WDR91: variants seen among roughly 807,000 people sequenced by gnomAD.
The protein encoded by WDR91 is WD repeat domain 91, also known as WD repeat-containing protein 91.
WDR91 carries 52 observed loss-of-function variants against 88.4 expected under a neutral mutation model. The ratio of observed to expected loss-of-function variants is 0.59; its 90% CI spans 0.47 to 0.74. WDR91 has a LOEUF of 0.74. Among genes scored for constraint, WDR91 ranks in the 30% least tolerant of loss-of-function variants. The probability of loss-of-function intolerance (pLI) is 0.00; values close to 1 mark genes in which losing one functional copy is unlikely to be tolerated. For missense variants in WDR91, 824 were observed against 954.5 expected (o/e 0.86, Z 1.80); for synonymous variants, 362 against 389.5 (o/e 0.93, Z 0.83).
rs576195895 is a variant in WDR91, at chr7:135,184,482, T to C, written c.*1669A>G. 6 of 152,390 alleles carry C rather than the reference T, an allele frequency of 3.9e-5. No individual in the cohort carries two copies. The highest frequency in any genetic ancestry group is 1.3e-4 in the Admixed American group (2 of 15,304). 9.4% of individuals were successfully genotyped at this position (152,390 alleles called of 1,614,324 possible). On this transcript the variant is annotated 3_prime_UTR_variant, in exon 15 of 15. Coordinates refer to ENST00000354475, the MANE Select transcript of WDR91 (RefSeq NM_014149.4). Reference sequence around the variant, plus strand: ...CCAAAGCCCAGGTCCATCACTCCCATAGTGACTCCTCCCATAAGCTCTGCC... The same window carrying C: ...CCAAAGCCCAGGTCCATCACTCCCACAGTGACTCCTCCCATAAGCTCTGCC...
At chr7:135,199,664 T>G (rs1377802622) in intron 6 of WDR91, 1 of 152,254 alleles carries the variant, frequency 6.6e-6, no homozygotes, top group Non-Finnish European at 1.5e-5. Context: ...TGCTGCTACA[T>G]GTATGCCGTG....
rs1562943578 is a variant in WDR91, at chr7:135,187,182, G to A, written c.1882-13C>T. ...TCCACTGGATGAACTGCAGTCACAG[G>A]GCACAAGCAGGGTGCTCGCAGCGGA... is the stretch of plus-strand genomic sequence containing the variant. On this transcript the variant is annotated splice_polypyrimidine_tract_variant and intron_variant, in intron 13 of 14. Transcript: ENST00000354475. 1.2e-6 allele frequency: 2 copies of A among 1,613,840 alleles called. No individual in the cohort carries two copies. Among genetic ancestry groups the A allele is most frequent in the Non-Finnish European group, 1.7e-6 (2 of 1,179,930 alleles).
chr7:135,195,674 C>T (rs998092965), intron 8 of WDR91, among the ~76,000 whole-genome samples: 8 of 152,258 alleles, frequency 5.3e-5, no homozygotes, highest in South Asian at 4.1e-4. Context: ...AGGCCCGGTG[C>T]GGTGGCTTAC....
In WDR91 at chr7:135,196,862, C is replaced by G. The variant is rs534218132; in HGVS notation, c.1051-525G>C. On this transcript the variant is annotated intron_variant, in intron 7 of 14. Transcript: ENST00000354475. This position sits in a 1 kb window ranked among gnomAD's most constrained non-coding sequence, Gnocchi z 4.2. ...AAGCTGGGTGGGTAAGAGGTAAGCC[C>G]GGCCCCTTTCCAGTGCACCCCTAGG... is the stretch of plus-strand genomic sequence containing the variant. Among the ~76,000 whole-genome samples, 7 of 152,058 alleles carry G rather than the reference C, an allele frequency of 4.6e-5. No homozygotes were observed.
Position 135,183,959 on chromosome 7 carries a change from C to T in WDR91, c.*2192G>A, listed in dbSNP as rs1830849548. The T allele has an allele frequency of 6.6e-6, 1 of 152,064 alleles. No homozygotes were observed. Among genetic ancestry groups the T allele is most frequent in the Admixed American group, 6.5e-5 (1 of 15,274 alleles). The allele number at this position is 152,064 out of a possible 1,614,324, so 9.4% of individuals were successfully genotyped here. ...CTCTGTGATCCTTAAAGCATCTCAG[C>T]AAGCTGTAGAGATGGTATTAAGGGG... is the stretch of plus-strand genomic sequence containing the variant. On this transcript the variant is annotated 3_prime_UTR_variant, in exon 15 of 15. Coordinates refer to ENST00000354475, the MANE Select transcript of WDR91 (RefSeq NM_014149.4).
At chr7:135,203,587 C>T (rs1236383239) in intron 6 of WDR91, among the ~76,000 whole-genome samples, 1 of 152,146 alleles carries the variant, frequency 6.6e-6, no homozygotes, top group African/African-American at 2.4e-5. Flanking sequence ...TCAGCAAATA[C>T]CAACTTGTAG....
chr7:135,206,003 T>A lies in WDR91; in HGVS notation c.650A>T (p.Glu217Val), dbSNP rs1485795332. The A allele has an allele frequency of 6.2e-7, 1 of 1,614,224 alleles. No homozygotes were observed. The highest frequency in any genetic ancestry group is 1.1e-5 in the South Asian group (1 of 91,082). ...HRLKKEEQQP[E>V]EEEALVQHKL... ...GTGTTGGACCAAGGCCTCTTCCTCT[T>A]CTGGCTGTTGCTCCTCTTTCTTCAG... Residue 217 changes from glutamate to valine, a missense_variant, in exon 5 of 15, where the codon GAA becomes GTA. Glu to Val is a moderately radical substitution (Grantham distance 121). Transcript: ENST00000354475.
Position 135,186,142 on chromosome 7 carries a change from G to A in WDR91, c.*9C>T, listed in dbSNP as rs1274889133. ...TACTGCTTCCTCGGGTGGCCCTTGG[G>A]GCAAGTCATCAGGCTTTATGGGCCA... On this transcript the variant is annotated 3_prime_UTR_variant, in exon 15 of 15. Coordinates refer to ENST00000354475, the MANE Select transcript of WDR91 (RefSeq NM_014149.4). 2.5e-6 allele frequency: 4 copies of A among 1,581,394 alleles called. No homozygotes were observed. Among genetic ancestry groups the A allele is most frequent in the South Asian group, 1.2e-5 (1 of 86,536 alleles).
rs751035345 is a variant in WDR91 at position 135,188,399 on chromosome 7, G to A, written c.1881+34C>T. The A allele has an allele frequency of 3.2e-6, 5 of 1,583,744 alleles. No homozygotes were observed. The African/African-American group carries it at 4.0e-5, about 13-fold the overall frequency. On this transcript the variant is annotated intron_variant, in intron 13 of 14. Transcript: ENST00000354475. ...CTGCAGCCGGCCCACATGTCATCCC[G>A]GTGCTCTCTTATCTGAATCCTGCAG...
intron 4 of WDR91, among the ~76,000 whole-genome samples, chr7:135,206,405 G>T: frequency 1.4e-5 from 1 of 72,776 alleles, no homozygotes. Context: ...GCCTGACTCT[G>T]GAATGGAAAA....
Position 135,196,685 on chromosome 7 carries a change from G to C in WDR91, c.1051-348C>G, listed in dbSNP as rs3778771. ...TGGTGCAGGCCACACACCGCGCTGA[G>C]TATTTTACAGATTTCTCTCATTTAG... On this transcript the variant is annotated intron_variant, in intron 7 of 14. Coordinates refer to ENST00000354475, the MANE Select transcript of WDR91 (RefSeq NM_014149.4). This position sits in a 1 kb window ranked among gnomAD's most constrained non-coding sequence, Gnocchi z 4.2. Among the ~76,000 whole-genome samples, 1 of 152,042 alleles carries C rather than the reference G, an allele frequency of 6.6e-6. No homozygotes were observed.
chr7:135,193,136 G>T (rs1191002370), intron 11 of WDR91, 95 bp downstream of exon 11: 8 of 1,507,498 alleles, frequency 5.3e-6, no homozygotes, highest in Non-Finnish European at 6.2e-6. Flanking sequence ...AATCTGAGGA[G>T]ACCAAAGCAA....
intron 1 of WDR91, 22 bp from the exon 2 acceptor site, chr7:135,209,777 G>A: frequency 2.6e-6 from 4 of 1,567,422 alleles, no homozygotes; most frequent in Non-Finnish European, 3.5e-6. Flanking sequence ...CATGGATGGA[G>A]AAGGTGGTAA....
intron 3 of WDR91, 51 bp from the exon 4 acceptor site, chr7:135,207,253 C>T (rs1215482746): frequency 6.6e-7 from 1 of 1,509,096 alleles, no homozygotes; most frequent in Middle Eastern, 1.8e-4. Flanking sequence ...AAACGTCCTT[C>T]CCAAACCCTT....
rs913352419 is a variant in WDR91 at position 135,185,829 on chromosome 7, A to G, written c.*322T>C. ...GAAAAAGATAAATGGGCACATATAT[A>G]CAAAATACTGTCAATTTCTACTGGG... On this transcript the variant is annotated 3_prime_UTR_variant, in exon 15 of 15. Coordinates refer to ENST00000354475, the MANE Select transcript of WDR91 (RefSeq NM_014149.4). 3 of 286,668 alleles carry G rather than the reference A, an allele frequency of 1.0e-5. No homozygotes were observed. The highest frequency in any genetic ancestry group is 6.6e-5 in the African/African-American group (3 of 45,370). The allele number at this position is 286,668 out of a possible 1,614,324, so 17.8% of individuals were successfully genotyped here.
rs1231403567 is a variant in WDR91 at position 135,198,376 on chromosome 7, C to T, written c.892-225G>A. On this transcript the variant is annotated intron_variant, in intron 6 of 14. Coordinates refer to ENST00000354475, the MANE Select transcript of WDR91 (RefSeq NM_014149.4). Reference sequence around the variant, plus strand: ...AGGACAGGTCACCTGCAATCCTCATCCTGCGGTATCTCTCATCTGGAGGAA... The same window carrying T: ...AGGACAGGTCACCTGCAATCCTCATTCTGCGGTATCTCTCATCTGGAGGAA... 7.8e-6 allele frequency: 4 copies of T among 514,684 alleles called. No homozygotes were observed. The Admixed American group carries it at 9.9e-5, about 13-fold the overall frequency. The allele number at this position is 514,684 out of a possible 1,614,324, so 31.9% of individuals were successfully genotyped here. A position where few individuals can be genotyped will look rare whatever the true frequency, so the allele number is the denominator to read the frequency against.
chr7:135,194,588 G>A (rs970280804), intron 9 of WDR91, among the ~76,000 whole-genome samples: 23 of 152,170 alleles, frequency 1.5e-4, no homozygotes, highest in South Asian at 1.2e-3. Flanking sequence ...GCCACTTCCC[G>A]TGGGGCCTGG....
Position 135,193,258 on chromosome 7 carries a change from C to T in WDR91, c.1632G>A (p.Leu544=). Residue 544 remains leucine (L), a synonymous_variant, in exon 11 of 15, where the codon CTG becomes CTA. Coordinates refer to ENST00000354475, the MANE Select transcript of WDR91 (RefSeq NM_014149.4). ...GCTGCTTCATGGTTTTCGTGTCCCACAGCAGCAGCCTGCCAGGAACCTGGT... is the reference window on the plus strand; with the variant it reads ...GCTGCTTCATGGTTTTCGTGTCCCATAGCAGCAGCCTGCCAGGAACCTGGT... The part of the protein sequence containing the change: ...GMNQVPGRLL[L]WDTKTMKQQL... 1.2e-6 allele frequency: 2 copies of T among 1,614,134 alleles called. No individual in the cohort carries two copies. The highest frequency in any genetic ancestry group is 1.7e-6 in the Non-Finnish European group (2 of 1,180,046).
At chr7:135,201,389 T>G (rs1831565498) in intron 6 of WDR91, 1 of 149,504 alleles carries the variant, frequency 6.7e-6, no homozygotes, top group African/African-American at 2.5e-5. Context: ...GCCTCCAGAC[T>G]CATATTGAAA....
Sources: gnomAD v4.1 joint callset for allele counts (sites outside exome capture counted in the v4.1 genomes callset) on GRCh38, gnomAD v4.1.1 for gene constraint, Gnocchi (gnomAD v3.1) non-coding constraint, MANE v1.5 for transcripts, NCBI Gene and HGNC (gene_info 2026-07-23, HGNC 2026-07-21) for gene names.